Variants in BBS12 observed in about 807,000 individuals in gnomAD.
BBS12 encodes the protein Bardet-Biedl syndrome 12, also known as chaperonin-containing T-complex member BBS12.
BBS12 carries 5 observed loss-of-function variants against 5.6 expected under a neutral mutation model. The ratio of observed to expected loss-of-function variants is 0.89; its 90% CI spans 0.46 to 1.86. The LOEUF is 1.86. Among genes scored for constraint, BBS12 ranks in the 40% most tolerant of loss-of-function variants. The pLI is 0.01. For missense variants in BBS12, 748 were observed against 830.4 expected (o/e 0.90, Z 1.22); for synonymous variants, 308 against 306.8 (o/e 1.00, Z -0.04).
At chr4:122,716,466 A>G in the BBS12 span, among the ~76,000 whole-genome samples, 1 of 151,512 alleles carries the variant, frequency 6.6e-6, no homozygotes, top group African/African-American at 2.4e-5. Context: ...ATCTGAGGAA[A>G]ACAACAGACA....
chr4:122,713,892 T>C, the BBS12 span, among the ~76,000 whole-genome samples: 1 of 152,186 alleles, frequency 6.6e-6, no homozygotes, highest in Non-Finnish European at 1.5e-5. Flanking sequence ...TGTATACAAT[T>C]GTATACAATT....
the BBS12 span, among the ~76,000 whole-genome samples, chr4:122,716,543 GTGTATATATACACATA>G: frequency 5.5e-4 from 60 of 108,704 alleles, no homozygotes; most frequent in African/African-American, 1.9e-3. Context: ...ATATACATAT[GTGTATATATACACATA>G]TGTATATATA....
the BBS12 span, among the ~76,000 whole-genome samples, chr4:122,716,616 T>C: frequency 4.2e-5 from 5 of 119,300 alleles, 1 homozygote; most frequent in Non-Finnish European, 8.4e-5. Context: ...CATGTGTGTA[T>C]ATGCACATAC....
chr4:122,703,144 G>C, the BBS12 span, among the ~76,000 whole-genome samples: 1 of 151,040 alleles, frequency 6.6e-6, no homozygotes, highest in South Asian at 2.1e-4. Flanking sequence ...CTTGTTTGCT[G>C]TTTCCAGAGG....
intron 1 of BBS12, among the ~76,000 whole-genome samples, chr4:122,735,794 A>G (rs1800775830): frequency 6.6e-6 from 1 of 152,188 alleles, no homozygotes; most frequent in Non-Finnish European, 1.5e-5. Flanking sequence ...TCTAAGAGAG[A>G]GATGTAGTCT....
At chr4:122,704,419 G>A in the BBS12 span, among the ~76,000 whole-genome samples, 9 of 152,188 alleles carry the variant, frequency 5.9e-5, no homozygotes, top group African/African-American at 2.2e-4. Context: ...CAGGATCACT[G>A]TGACCTGACC....
At position 122,742,131 on chromosome 4, in the gene BBS12, C is replaced by T; in HGVS notation, c.239C>T (p.Thr80Ile). ...LNEAVQAQNN[T>I]YRTGISTLLF... ...GAAGCAGTTCAAGCACAAAACAACA[C>T]ATATAGAACTGGAATCAGTACTCTT... Residue 80 changes from threonine (T) to isoleucine (I), a missense_variant, in exon 2 of 2, where the codon ACA becomes ATA. By Grantham distance (89) the Thr-to-Ile change is moderately conservative (BLOSUM62 -1). Coordinates refer to ENST00000314218, the MANE Select transcript of BBS12 (RefSeq NM_152618.3). 1 of 1,614,094 alleles carries T rather than the reference C, an allele frequency of 6.2e-7. No homozygotes were observed. The highest frequency in any genetic ancestry group is 8.5e-7 in the Non-Finnish European group (1 of 1,180,034).
Position 122,738,215 on chromosome 4 carries a change from ATTTCTT to A in BBS12, c.-10-3658_-10-3653del, listed in dbSNP as rs545414310. Among the ~76,000 whole-genome samples, 202 of 152,164 alleles carry A rather than the reference ATTTCTT, an allele frequency of 1.3e-3. 1 individual carries two copies. Among genetic ancestry groups the A allele is most frequent in the South Asian group, 5.0e-3 (24 of 4,814 alleles). ...AAAAAATAGGTAAATTAGATTTCTA[ATTTCTT>A]TTTCTTTTTTTTTGAGACAGAGTCT... On this transcript the variant is annotated intron_variant, in intron 1 of 1. Transcript: ENST00000314218.
chr4:122,718,818 T>G, the BBS12 span, among the ~76,000 whole-genome samples: 184 of 152,134 alleles, frequency 1.2e-3, 1 homozygote, highest in East Asian at 7.4e-3. Context: ...CTGTCTTTAT[T>G]TTCTTCTTTG....
At chr4:122,736,448 G>A (rs1427616104) in intron 1 of BBS12, among the ~76,000 whole-genome samples, 2 of 152,014 alleles carry the variant, frequency 1.3e-5, no homozygotes, top group African/African-American at 2.4e-5. Flanking sequence ...GCTCCTGAAA[G>A]CATTGCATGT....
rs1800885284 is a variant in BBS12, at chr4:122,742,192, A to C, written c.300A>C (p.Glu100Asp). The change falls in exon 2 of 2, where the codon GAA (glutamate) becomes GAC (aspartate). Residue 100 changes from glutamate to aspartate, a missense_variant. Transcript: ENST00000314218. ...FLVGAWSSAV[E>D]ECLHLGVPIS... ...TTGGTGCTTGGAGCAGTGCAGTTGA[A>C]GAATGTCTTCATCTTGGTGTCCCCA... 1 of 1,613,800 alleles carries C rather than the reference A, an allele frequency of 6.2e-7. No homozygotes were observed. Among genetic ancestry groups the C allele is most frequent in the Non-Finnish European group, 8.5e-7 (1 of 1,180,034 alleles).
chr4:122,741,985 C>T lies in BBS12; in HGVS notation c.93C>T (p.Gly31=), dbSNP rs749424438. The part of the protein sequence containing the change: ...SFAETGRTFL[G]PLKSSKFIID... Reference sequence around the variant, plus strand: ...CGGAAACAGGAAGAACTTTCCTAGGCCCACTAAAATCATCCAAATTTATTA... The same window carrying T: ...CGGAAACAGGAAGAACTTTCCTAGGTCCACTAAAATCATCCAAATTTATTA... The change falls in exon 2 of 2, where the codon GGC becomes GGT. Residue 31 remains glycine (G), a synonymous_variant. Coordinates refer to ENST00000314218, the MANE Select transcript of BBS12 (RefSeq NM_152618.3). The T allele has an allele frequency of 3.7e-6, 6 of 1,613,498 alleles. No homozygotes were observed. The highest frequency in any genetic ancestry group is 5.1e-6 in the Non-Finnish European group (6 of 1,179,634).
chr4:122,707,054 C>CTCTTTTTT, the BBS12 span, among the ~76,000 whole-genome samples: 4 of 72,248 alleles, frequency 5.5e-5, no homozygotes, highest in Non-Finnish European at 7.1e-5. Flanking sequence ...CTCTCTCTCT[C>CTCTTTTTT]TTTTTTTTTT....
the BBS12 span, among the ~76,000 whole-genome samples, chr4:122,713,209 T>C: frequency 0.01 from 1,552 of 152,366 alleles, 28 homozygotes; most frequent in African/African-American, 0.036. Context: ...AAAATGTGTA[T>C]GTTATTATTG....
chr4:122,711,359 GAAAA>G, the BBS12 span, among the ~76,000 whole-genome samples: 7 of 135,108 alleles, frequency 5.2e-5, no homozygotes, highest in Admixed American at 7.5e-5. Flanking sequence ...ATCCTGATTG[GAAAA>G]AAAAAAAAAA....
At chr4:122,709,845 G>A in the BBS12 span, among the ~76,000 whole-genome samples, 3 of 151,888 alleles carry the variant, frequency 2.0e-5, no homozygotes, top group Non-Finnish European at 2.9e-5. Context: ...TAGTAGAGAC[G>A]GGATTTCACC....
chr4:122,722,670 ATT>A, the BBS12 span, among the ~76,000 whole-genome samples: 1 of 152,052 alleles, frequency 6.6e-6, no homozygotes, highest in Admixed American at 6.5e-5. Context: ...TGGTCTCTTT[ATT>A]ATTTGTACCT....
upstream of BBS12, chr4:122,728,667 A>G (rs1234455681): frequency 6.6e-6 from 1 of 152,272 alleles, no homozygotes; most frequent in East Asian, 1.9e-4. Context: ...TTACATAATT[A>G]GAAATCAAAG....
At chr4:122,717,680 C>T in the BBS12 span, among the ~76,000 whole-genome samples, 2 of 152,172 alleles carry the variant, frequency 1.3e-5, no homozygotes, top group Admixed American at 6.5e-5. Flanking sequence ...CAGCTGTGCA[C>T]CACCGTGCCC....
Sources: allele counts gnomAD v4.1 joint callset (sites outside exome capture counted in the v4.1 genomes callset), GRCh38; gene constraint gnomAD v4.1.1; transcripts MANE v1.5; gene names NCBI Gene and HGNC (gene_info 2026-07-23, HGNC 2026-07-21).